Variants in USH2A observed in about 807,000 individuals in gnomAD.
USH2A encodes the protein usherin.
USH2A carries 443 observed loss-of-function variants against 538.9 expected under a neutral mutation model. The observed-to-expected ratio is 0.82, with a 90% CI of 0.76 to 0.89. The LOEUF (loss-of-function observed/expected upper bound fraction) is 0.89, where lower values mean the gene tolerates loss of function less well. USH2A is among the 40% of genes least tolerant of loss of function. The probability of loss-of-function intolerance (pLI) is 0.00; values close to 1 mark genes in which losing one functional copy is unlikely to be tolerated. For synonymous variants in USH2A, 2,413 were observed against 2,273.5 expected (o/e 1.06, Z -1.75); for missense variants, 6,633 against 6,324.8 (o/e 1.05, Z -1.65).
intron 21 of USH2A, among the ~76,000 whole-genome samples, chr1:216,108,880 A>G (rs1404232381): frequency 6.6e-6 from 1 of 151,906 alleles, no homozygotes; most frequent in Admixed American, 6.6e-5. Context: ...AATTTTTTTT[A>G]AATGTTTACA....
Position 215,640,575 on chromosome 1 carries a change from G to T in USH2A, c.14951C>A (p.Pro4984Gln), listed in dbSNP as rs144884183. The T allele has an allele frequency of 1.2e-6, 2 of 1,613,880 alleles. No homozygotes were observed. Among genetic ancestry groups the T allele is most frequent in the Admixed American group, 1.7e-5 (1 of 60,004 alleles). ...YSGLDTTLYI[P>Q]RTADKTFFFQ... Reference sequence around the variant, plus strand: ...AAACTAACTTTTGTCCGCCGTTCTCGGTATGTAGAGGGTGGTGTCCAAGCC... The same window carrying T: ...AAACTAACTTTTGTCCGCCGTTCTCTGTATGTAGAGGGTGGTGTCCAAGCC... Residue 4984 changes from proline (P) to glutamine (Q), a missense_variant, in exon 68 of 72, where the codon CCG becomes CAG. Transcript: ENST00000307340.
At chr1:215,742,953 A>G (rs1660347951) in intron 59 of USH2A, among the ~76,000 whole-genome samples, 1 of 152,128 alleles carries the variant, frequency 6.6e-6, no homozygotes, top group Non-Finnish European at 1.5e-5. Flanking sequence ...ACTTTGCAAA[A>G]CCACCATTTT....
chr1:215,869,393 A>C (rs1187140133), intron 43 of USH2A, among the ~76,000 whole-genome samples: 1 of 152,164 alleles, frequency 6.6e-6, no homozygotes, highest in Admixed American at 6.5e-5. Context: ...TAAGGCTTGA[A>C]CTTTGCGTTA....
At chr1:216,146,495 A>G (rs1006624076) in intron 21 of USH2A, among the ~76,000 whole-genome samples, 9 of 151,790 alleles carry the variant, frequency 5.9e-5, no homozygotes, top group African/African-American at 2.2e-4. Flanking sequence ...TTGGTCCTTC[A>G]CCCTTAGCGC....
chr1:215,731,152 A>G (rs1250744321), intron 60 of USH2A, among the ~76,000 whole-genome samples: 1 of 152,232 alleles, frequency 6.6e-6, no homozygotes, highest in Non-Finnish European at 1.5e-5. Context: ...GACATTCTTA[A>G]CAAAATTTGC....
intron 37 of USH2A, among the ~76,000 whole-genome samples, chr1:215,941,853 A>G (rs1282767661): frequency 6.6e-6 from 1 of 152,114 alleles, no homozygotes; most frequent in African/African-American, 2.4e-5. Context: ...GAATGATATC[A>G]TGTTTTGCTG....
chr1:215,889,765 A>C (rs1217629294), intron 40 of USH2A, among the ~76,000 whole-genome samples: 1 of 152,170 alleles, frequency 6.6e-6, no homozygotes, highest in Non-Finnish European at 1.5e-5. Flanking sequence ...TGAATACTGA[A>C]AAAGGCCCAC....
intron 43 of USH2A, among the ~76,000 whole-genome samples, chr1:215,873,050 A>G (rs1372221442): frequency 6.6e-6 from 1 of 152,156 alleles, no homozygotes; most frequent in Non-Finnish European, 1.5e-5. Context: ...AGAGCATTGC[A>G]AAATGGGCTA....
chr1:215,643,704 A>G (rs188078353), intron 67 of USH2A, among the ~76,000 whole-genome samples: 1 of 151,750 alleles, frequency 6.6e-6, no homozygotes, highest in African/African-American at 2.4e-5. Context: ...TAAAAAAAAA[A>G]TTTTTGTAGA....
At chr1:216,086,563 C>A (rs1267291883) in intron 24 of USH2A, among the ~76,000 whole-genome samples, 156 bp downstream of exon 24, 2 of 151,730 alleles carry the variant, frequency 1.3e-5, no homozygotes, top group African/African-American at 2.4e-5. Context: ...TACATGGTTC[C>A]TTTAAAAAAA....
At chr1:215,759,175 T>C (rs554638180) in intron 57 of USH2A, among the ~76,000 whole-genome samples, 1 of 152,308 alleles carries the variant, frequency 6.6e-6, no homozygotes, top group Admixed American at 6.5e-5. Context: ...AAAACATCTG[T>C]TGATTTAAGA....
intron 50 of USH2A, among the ~76,000 whole-genome samples, chr1:215,796,787 A>G (rs1226279060): frequency 2.0e-5 from 3 of 152,092 alleles, no homozygotes; most frequent in Non-Finnish European, 4.4e-5. Context: ...CAAAAACTAG[A>G]CCTCTCATGC....
At chr1:216,330,613 G>C (rs557542697) in intron 4 of USH2A, among the ~76,000 whole-genome samples, 1 of 152,088 alleles carries the variant, frequency 6.6e-6, no homozygotes, top group South Asian at 2.1e-4. Context: ...TAGCTGGCTG[G>C]GGGAGAGGGG....
At chr1:216,364,561 T>A (rs2038556674) in intron 4 of USH2A, among the ~76,000 whole-genome samples, 1 of 152,108 alleles carries the variant, frequency 6.6e-6, no homozygotes, top group Admixed American at 6.6e-5. Flanking sequence ...CTAAATCCAA[T>A]GACAAGTGTC....
intron 64 of USH2A, among the ~76,000 whole-genome samples, chr1:215,658,182 G>T (rs977909108): frequency 1.3e-5 from 2 of 151,746 alleles, no homozygotes; most frequent in South Asian, 2.1e-4. Flanking sequence ...TGATCCGCCC[G>T]CCTTGGCCTC....
chr1:215,968,324 T>G (rs1558186912), intron 36 of USH2A, among the ~76,000 whole-genome samples: 1 of 152,074 alleles, frequency 6.6e-6, no homozygotes, highest in Non-Finnish European at 1.5e-5. Context: ...GGAGAATCAT[T>G]GTGGGTTTTT....
At chr1:216,354,233 A>T (rs1295066680) in intron 4 of USH2A, among the ~76,000 whole-genome samples, 1 of 152,192 alleles carries the variant, frequency 6.6e-6, no homozygotes, top group East Asian at 1.9e-4. Flanking sequence ...GGTCTCATAG[A>T]ACCAGCAGTG....
At chr1:215,970,471 A>T (rs933955763) in intron 36 of USH2A, among the ~76,000 whole-genome samples, 154 bp downstream of exon 36, 7 of 152,162 alleles carry the variant, frequency 4.6e-5, no homozygotes, top group Non-Finnish European at 8.8e-5. Context: ...AAATCTTAGT[A>T]ACTCTTAAAT....
chr1:215,766,633 T>C (rs1661135886), intron 56 of USH2A, 48 bp downstream of exon 56: 2 of 1,532,540 alleles, frequency 1.3e-6, no homozygotes, highest in Admixed American at 1.7e-5. Context: ...CACCTCAAAA[T>C]GCTATGTGAA....
Sources: allele counts gnomAD v4.1 joint callset (sites outside exome capture counted in the v4.1 genomes callset), GRCh38; gene constraint gnomAD v4.1.1; transcripts MANE v1.5; gene names NCBI Gene and HGNC (gene_info 2026-07-23, HGNC 2026-07-21).